Variants in DYSF observed in about 807,000 individuals in gnomAD.
The protein encoded by DYSF is dystrophy-associated fer-1-like 1.
Under a neutral mutation model 274.9 loss-of-function variants are expected in DYSF, and 212 were observed. The ratio of observed to expected loss-of-function variants is 0.77; its 90% CI spans 0.69 to 0.86. The LOEUF is 0.86. Ranked by LOEUF, DYSF falls within the 40% of genes least tolerant of loss-of-function variation. The probability of loss-of-function intolerance (pLI) is 0.00; values close to 1 mark genes in which losing one functional copy is unlikely to be tolerated. For synonymous variants in DYSF, 1,091 were observed against 1,078.7 expected, an observed-to-expected ratio of 1.01 and a Z score of -0.22; for missense variants, 2,666 against 2,783.2, an observed-to-expected ratio of 0.96 and a Z score of 0.95.
chr2:71,488,773 A>G (rs2083563575), intron 3 of DYSF, among the ~76,000 whole-genome samples: 1 of 151,852 alleles, frequency 6.6e-6, no homozygotes, highest in African/African-American at 2.4e-5. Flanking sequence ...AGTGTGATCT[A>G]CTCTGTATCT....
chr2:71,456,899 A>G (rs1035161391), intron 1 of DYSF, among the ~76,000 whole-genome samples: 2 of 152,120 alleles, frequency 1.3e-5, no homozygotes, highest in African/African-American at 2.4e-5. Flanking sequence ...CTCGGACCTG[A>G]GCCAGCCAGG....
intron 1 of DYSF, among the ~76,000 whole-genome samples, chr2:71,457,561 C>T (rs1286348473): frequency 6.6e-6 from 1 of 152,200 alleles, no homozygotes; most frequent in African/African-American, 2.4e-5. Flanking sequence ...ACCTTGACTC[C>T]TCTCATCACG....
Position 71,553,056 on chromosome 2 carries a change from T to C in DYSF, c.1852T>C (p.Ser618Pro), listed in dbSNP as rs2152790710. 6.2e-7 allele frequency: 1 copy of C among 1,614,190 alleles called. No individual in the cohort carries two copies. The highest frequency in any genetic ancestry group is 8.5e-7 in the Non-Finnish European group (1 of 1,180,036). Residue 618 changes from serine to proline, a missense_variant, in exon 20 of 56, where the codon TCA (serine) becomes CCA (proline). Physicochemically the swap from Ser to Pro is moderately conservative, Grantham distance 74. Coordinates refer to ENST00000410020, the MANE Select transcript of DYSF (RefSeq NM_001130987.2). The stretch of plus-strand genomic sequence containing the variant: ...GTACTCCCTGTTTGCGGCCTTCTAC[T>C]CAGCCACCATGCTGCAGGATGTGGA... ...RKYSLFAAFY[S>P]ATMLQDVDDA...
chr2:71,624,118 T>C (rs1290211890), intron 41 of DYSF, among the ~76,000 whole-genome samples: 1 of 152,188 alleles, frequency 6.6e-6, no homozygotes, highest in Non-Finnish European at 1.5e-5. Context: ...TTTTCATAGA[T>C]ACAATGCCCT....
intron 36 of DYSF, among the ~76,000 whole-genome samples, chr2:71,605,949 C>G (rs923094673): frequency 6.6e-6 from 1 of 152,154 alleles, no homozygotes; most frequent in African/African-American, 2.4e-5. Flanking sequence ...CCTGGCTGCC[C>G]CCTGCCTGGA....
intron 14 of DYSF, among the ~76,000 whole-genome samples, chr2:71,532,818 G>A (rs537474624): frequency 8.2e-5 from 12 of 146,044 alleles, no homozygotes; most frequent in South Asian, 6.6e-4. Context: ...TTTGAATTAG[G>A]TAGTACATTT....
At chr2:71,477,654 A>G (rs775470281) in intron 1 of DYSF, among the ~76,000 whole-genome samples, 12 of 152,252 alleles carry the variant, frequency 7.9e-5, no homozygotes, top group Non-Finnish European at 1.8e-4. Context: ...CAAATGACCA[A>G]TGCAACTGTT....
Position 71,598,677 on chromosome 2 carries a change from G to A in DYSF, c.3688G>A (p.Gly1230Ser). Reference sequence around the variant, plus strand: ...CATCTTCTACGAGATCGAGATCTTTGGCGAGCCGGCCACAGTTGCTGAGCA... The same window carrying A: ...CATCTTCTACGAGATCGAGATCTTTAGCGAGCCGGCCACAGTTGCTGAGCA... ...TLIFYEIEIF[G>S]EPATVAEQPP... Residue 1230 changes from glycine (G) to serine (S), a missense_variant, in exon 33 of 56, where the codon GGC (glycine) becomes AGC (serine). This residue lies in a region of DYSF where 1,460 missense variants were observed against 1,502.1 expected (regional missense o/e 0.97). Transcript: ENST00000410020. 1 of 1,614,006 alleles carries A rather than the reference G, an allele frequency of 6.2e-7. No homozygotes were observed.
intron 1 of DYSF, among the ~76,000 whole-genome samples, chr2:71,473,373 C>CAAGAAATATGTGTATTCTTAT (rs1488984277): frequency 6.6e-6 from 1 of 152,142 alleles, no homozygotes; most frequent in Non-Finnish European, 1.5e-5. Flanking sequence ...CTAATGGGGC[C>CAAGAAATATGTGTATTCTTAT]GTCAAGAAAC....
At chr2:71,685,783 G>A (rs1314436874) in intron 55 of DYSF, among the ~76,000 whole-genome samples, 3 of 152,184 alleles carry the variant, frequency 2.0e-5, no homozygotes, top group African/African-American at 4.8e-5. Flanking sequence ...CCCAGCCGGC[G>A]CTGGGGAACA....
chr2:71,650,066 T>G (rs1215425099), intron 42 of DYSF, among the ~76,000 whole-genome samples: 1 of 152,192 alleles, frequency 6.6e-6, no homozygotes, highest in Non-Finnish European at 1.5e-5. Flanking sequence ...TGCTAAATAC[T>G]ACAACATCAA....
intron 8 of DYSF, 135 bp from the exon 9 acceptor site, chr2:71,516,045 A>AG: frequency 1.0e-6 from 1 of 984,480 alleles, no homozygotes; most frequent in Non-Finnish European, 1.6e-6. Flanking sequence ...TCCAATCCCC[A>AG]GAACTGTGCC....
chr2:71,676,795 T>C (rs2095229747), intron 52 of DYSF, among the ~76,000 whole-genome samples: 1 of 152,198 alleles, frequency 6.6e-6, no homozygotes, highest in Non-Finnish European at 1.5e-5. Context: ...TCTAATTACA[T>C]AACTTGTGTC....
At chr2:71,602,557 C>T (rs2093571639) in intron 35 of DYSF, 1 of 533,216 alleles carries the variant, frequency 1.9e-6, no homozygotes, top group Non-Finnish European at 3.5e-6. Context: ...ACATCCATCA[C>T]ACCTTCTTTC....
Position 71,508,907 on chromosome 2 carries a change from C to T in DYSF, c.346-2900C>T, listed in dbSNP as rs186180593. On this transcript the variant is annotated intron_variant, in intron 4 of 55. Transcript: ENST00000410020. Reference sequence around the variant, plus strand: ...TCACTCTGCTGCCCAGGCTGGAGTGCAGTGGCACGATCCTGGCTCACTGCA... The same window carrying T: ...TCACTCTGCTGCCCAGGCTGGAGTGTAGTGGCACGATCCTGGCTCACTGCA... 2.1e-4 allele frequency among the ~76,000 whole-genome samples: 32 copies of T among 152,286 alleles called. No homozygotes were observed. The East Asian group carries it at 6.2e-3, about 29-fold the overall frequency.
At chr2:71,463,438 G>A (rs1460121178), upstream of DYSF, among the ~76,000 whole-genome samples, 3 of 152,336 alleles carry the variant, frequency 2.0e-5, 1 homozygote, top group Middle Eastern at 0.01. Flanking sequence ...CTGTGCCTGG[G>A]AGCTTGGGGC....
chr2:71,531,397 T>C (rs923970285), intron 14 of DYSF, among the ~76,000 whole-genome samples: 2 of 152,248 alleles, frequency 1.3e-5, no homozygotes, highest in African/African-American at 4.8e-5. Context: ...GTGGACACTT[T>C]CAGGGCTTTG....
rs5832057 is a variant in DYSF, at chr2:71,514,147, TA to T, written c.759+247del. Reference sequence around the variant, plus strand: ...CTGCCGAGACCTGTGGTTTTGCGCTTAAAAAAAAAAAAAAAAAAAAAGTCAC... The same window carrying T: ...CTGCCGAGACCTGTGGTTTTGCGCTTAAAAAAAAAAAAAAAAAAAAGTCAC... On this transcript the variant is annotated intron_variant, in intron 7 of 55. Coordinates refer to ENST00000410020, the MANE Select transcript of DYSF (RefSeq NM_001130987.2). 0.056 allele frequency among the ~76,000 whole-genome samples: 6,960 copies of T among 125,102 alleles called. 198 individuals carry two copies. The highest frequency in any genetic ancestry group is 0.11 in the East Asian group (480 of 4,352). 82.1% of individuals were successfully genotyped at this position (125,102 alleles called of 152,430 possible). A position where few individuals can be genotyped will look rare whatever the true frequency, so the allele number is the denominator to read the frequency against.
chr2:71,677,929 G>A (rs963616902), intron 52 of DYSF, among the ~76,000 whole-genome samples: 38 of 152,330 alleles, frequency 2.5e-4, no homozygotes, highest in African/African-American at 8.4e-4. Context: ...GAAGTTAAAA[G>A]ATGGGAACAC....
Sources: allele counts gnomAD v4.1 joint callset (sites outside exome capture counted in the v4.1 genomes callset), GRCh38; gene constraint gnomAD v4.1.1; regional missense constraint gnomAD v4.1.1; transcripts MANE v1.5; gene names NCBI Gene and HGNC (gene_info 2026-07-23, HGNC 2026-07-21).